Variants in PRDM8 observed in about 807,000 individuals in gnomAD.
The protein encoded by PRDM8 is PR/SET domain 8, also known as PR domain zinc finger protein 8.
A neutral mutation model predicts 46.5 loss-of-function variants in PRDM8; 13 were observed. That is an observed-to-expected ratio of 0.28 (90% CI 0.18 to 0.44). The LOEUF (loss-of-function observed/expected upper bound fraction) is 0.44, where lower values mean the gene tolerates loss of function less well. Ranked by LOEUF, PRDM8 falls within the 20% of genes least tolerant of loss-of-function variation. The pLI, the probability that PRDM8 is intolerant of heterozygous loss-of-function variation, is 1.00. For missense variants in PRDM8, 998 were observed against 955.0 expected, an observed-to-expected ratio of 1.04 and a Z score of -0.59; for synonymous variants, 473 against 438.4, an observed-to-expected ratio of 1.08 and a Z score of -0.98.
upstream of PRDM8, chr4:80,196,151 A>G: frequency 1.1e-6 from 1 of 937,912 alleles, no homozygotes; most frequent in Non-Finnish European, 1.3e-6. Context: ...CAACTCCCCA[A>G]ATACATTATT....
chr4:80,199,994 CT>C (rs1738304113), intron 1 of PRDM8, 84 bp from the exon 2 acceptor site: 1 of 1,080,530 alleles, frequency 9.3e-7, no homozygotes, highest in Admixed American at 2.0e-5. Flanking sequence ...GAAAATCTAC[CT>C]AGTATTTGGA....
At position 80,202,882 on chromosome 4, in the gene PRDM8, G is replaced by T; in HGVS notation, c.1420G>T (p.Gly474Cys). 1.6e-6 allele frequency: 2 copies of T among 1,288,962 alleles called. No homozygotes were observed. The highest frequency in any genetic ancestry group is 1.9e-6 in the Non-Finnish European group (2 of 1,027,082). 79.8% of individuals were successfully genotyped at this position (1,288,962 alleles called of 1,614,324 possible). A position where few individuals can be genotyped will look rare whatever the true frequency, so the allele number is the denominator to read the frequency against. Residue 474 changes from glycine to cysteine, a missense_variant, in exon 4 of 4, where the codon GGT becomes TGT. Physicochemically the swap from Gly to Cys is radical, Grantham distance 159 (BLOSUM62 -3). Coordinates refer to ENST00000415738, the MANE Select transcript of PRDM8 (RefSeq NM_001099403.2). ...PQLGSAGSTS[G>C]GGGTGAGAAG... ...GCTGGGCAGCGCGGGCAGCACCAGC[G>T]GTGGGGGCGGAACGGGCGCCGGGGC...
At chr4:80,190,362 C>A (rs1240384674) in intron 1 of PRDM8, among the ~76,000 whole-genome samples, 1 of 152,242 alleles carries the variant, frequency 6.6e-6, no homozygotes, top group South Asian at 2.1e-4. Context: ...TCGCCCAGGG[C>A]TCATTTGGAG....
chr4:80,187,163 A>G (rs1017611280), intron 1 of PRDM8, among the ~76,000 whole-genome samples: 1 of 150,730 alleles, frequency 6.6e-6, no homozygotes, highest in Non-Finnish European at 1.5e-5. Flanking sequence ...TGCTAACAGC[A>G]CCTTTTAGTC....
At chr4:80,190,306 C>T (rs2109864811) in intron 1 of PRDM8, 1 of 152,400 alleles carries the variant, frequency 6.6e-6, no homozygotes, top group South Asian at 2.1e-4. Context: ...GGCTAAAGAA[C>T]ATGGGAAATG....
chr4:80,189,444 G>C (rs996842920), intron 1 of PRDM8, among the ~76,000 whole-genome samples: 2 of 152,118 alleles, frequency 1.3e-5, no homozygotes, highest in African/African-American at 4.8e-5. Flanking sequence ...GAGGTGCGCG[G>C]TGCGGGCTGG....
intron 1 of PRDM8, among the ~76,000 whole-genome samples, chr4:80,199,005 T>G (rs1258955114): frequency 2.9e-4 from 38 of 130,504 alleles, no homozygotes; most frequent in South Asian, 1.8e-3. Context: ...TTTTTTTTTT[T>G]TTTTTTTTTT....
rs1024569997 is a variant in PRDM8, at chr4:80,202,915, G to T, written c.1453G>T (p.Gly485Cys). The T allele has an allele frequency of 2.2e-6, 3 of 1,347,658 alleles. No homozygotes were observed. In the African/African-American group the frequency reaches 4.6e-5, roughly 21 times the overall value. 83.5% of individuals were successfully genotyped at this position (1,347,658 alleles called of 1,614,324 possible). ...CGGAACGGGCGCCGGGGCCGCAGGC[G>T]GCGCGGGCGGGGGCCAGGGCGCCGC... The part of the protein sequence containing the change: ...GGGTGAGAAG[G>C]AGGGQGAASD... Residue 485 changes from glycine to cysteine, a missense_variant, in exon 4 of 4, where the codon GGC becomes TGC. By Grantham distance (159) the Gly-to-Cys change is radical. Transcript: ENST00000415738.
Position 80,203,330 on chromosome 4 carries a change from C to A in PRDM8, c.1868C>A (p.Ala623Glu). The change falls in exon 4 of 4, where the codon GCG becomes GAG. Residue 623 changes from alanine (A) to glutamate (E), a missense_variant. Transcript: ENST00000415738. ...TCCTTCACCTCGCTGTGTCTGCCCG[C>A]GCAGAACTGGTGCGCCAAGTGCAAT... The part of the protein sequence containing the change: ...PPSFTSLCLP[A>E]QNWCAKCNAS... 1 of 1,613,750 alleles carries A rather than the reference C, an allele frequency of 6.2e-7. No individual in the cohort carries two copies. The highest frequency in any genetic ancestry group is 8.5e-7 in the Non-Finnish European group (1 of 1,179,966).
intron 1 of PRDM8, among the ~76,000 whole-genome samples, chr4:80,189,118 G>T (rs951645033): frequency 1.3e-5 from 2 of 152,198 alleles, no homozygotes; most frequent in African/African-American, 4.8e-5. Context: ...CCAGAGCCCT[G>T]GTCAGCGCTG....
chr4:80,197,457 G>A (rs925023875), upstream of PRDM8: 27 of 985,726 alleles, frequency 2.7e-5, no homozygotes, highest in Non-Finnish European at 3.3e-5. Context: ...GCGTCATTGG[G>A]CAGATTATGT....
rs1477843578 is a variant in PRDM8 at position 80,202,236 on chromosome 4, C to T, written c.774C>T (p.Ser258=). 6 of 1,611,598 alleles carry T rather than the reference C, an allele frequency of 3.7e-6. No homozygotes were observed. In the African/African-American group the frequency reaches 8.0e-5, roughly 22 times the overall value. Residue 258 remains serine (S), a synonymous_variant, in exon 4 of 4, where the codon TCC becomes TCT. Coordinates refer to ENST00000415738, the MANE Select transcript of PRDM8 (RefSeq NM_001099403.2). ...AAAGGSSAKP[S]TDFHNLAREL... ...CCGGCGGCAGCAGCGCGAAGCCATC[C>T]ACAGACTTCCACAACCTGGCCAGGG...
intron 1 of PRDM8, 62 bp downstream of exon 1, chr4:80,197,825 A>G (rs1738080678): frequency 1.0e-6 from 1 of 969,280 alleles, no homozygotes; most frequent in African/African-American, 1.8e-5. Context: ...TGGAAAGAGT[A>G]GAACATTTTG....
At chr4:80,196,049 C>T, upstream of PRDM8, 1 of 985,060 alleles carries the variant, frequency 1.0e-6, no homozygotes, top group Non-Finnish European at 1.2e-6. Flanking sequence ...CTGCAGTCAC[C>T]AGGCTGTCAA....
upstream of PRDM8, chr4:80,196,535 GC>G: frequency 2.0e-6 from 2 of 985,398 alleles, no homozygotes; most frequent in Non-Finnish European, 2.4e-6. Context: ...TCCCGAGACG[GC>G]CTCGGCAACT....
At position 80,202,355 on chromosome 4, in the gene PRDM8, C is replaced by T; in HGVS notation, c.893C>T (p.Ala298Val). The change falls in exon 4 of 4, where the codon GCG becomes GTG. Residue 298 changes from alanine to valine, a missense_variant. Physicochemically the swap from Ala to Val is moderately conservative, Grantham distance 64. Coordinates refer to ENST00000415738, the MANE Select transcript of PRDM8 (RefSeq NM_001099403.2). The stretch of plus-strand genomic sequence containing the variant: ...GGCGGCGGCGGCGGCCACCAGGAGG[C>T]GGAGCTGAGTCCCGACGGCATCGCC... ...GSGGGGGHQEAELSPDGIATG... is the reference protein window; with the variant it reads ...GSGGGGGHQEVELSPDGIATG... 8.1e-6 allele frequency: 13 copies of T among 1,600,682 alleles called. No homozygotes were observed. Among genetic ancestry groups the T allele is most frequent in the Non-Finnish European group, 1.1e-5 (13 of 1,174,014 alleles).
At chr4:80,199,003 T>TA (rs1738211319) in intron 1 of PRDM8, among the ~76,000 whole-genome samples, 1 of 119,416 alleles carries the variant, frequency 8.4e-6, no homozygotes, top group Non-Finnish European at 1.6e-5. Context: ...TGTTTTTTTT[T>TA]TTTTTTTTTT....
upstream of PRDM8, chr4:80,197,421 TA>T: frequency 1.0e-6 from 1 of 984,634 alleles, no homozygotes; most frequent in Non-Finnish European, 1.2e-6. Flanking sequence ...AGCAAAGAGT[TA>T]AAGGGAGGGG....
intron 1 of PRDM8, among the ~76,000 whole-genome samples, chr4:80,187,247 G>GGGGGGGGGGT (rs140564610): frequency 8.3e-6 from 1 of 119,788 alleles, no homozygotes; most frequent in Non-Finnish European, 1.9e-5. Context: ...TCTGCCCTGG[G>GGGGGGGGGGT]GCGGGGGGAA....
Sources: allele counts gnomAD v4.1 joint callset (sites outside exome capture counted in the v4.1 genomes callset), GRCh38; gene constraint gnomAD v4.1.1; transcripts MANE v1.5; gene names NCBI Gene and HGNC (gene_info 2026-07-23, HGNC 2026-07-21).